Variants in TENM4 observed in about 807,000 individuals in gnomAD.
The protein encoded by TENM4 is teneurin-4.
TENM4 carries 82 observed loss-of-function variants against 243.3 expected under a neutral mutation model. The observed-to-expected ratio is 0.34, with a 90% CI of 0.28 to 0.40. The LOEUF (loss-of-function observed/expected upper bound fraction) is 0.40, where lower values mean the gene tolerates loss of function less well. Ranked by LOEUF, TENM4 falls within the 10% of genes least tolerant of loss-of-function variation. The pLI is 1.00. For missense variants in TENM4, 3,138 were observed against 3,673.3 expected (o/e 0.85, Z 3.77); for synonymous variants, 1,412 against 1,456.3 (o/e 0.97, Z 0.69).
chr11:79,426,177 T>C (rs1160764867), intron 1 of TENM4, among the ~76,000 whole-genome samples: 1 of 152,202 alleles, frequency 6.6e-6, no homozygotes, highest in Non-Finnish European at 1.5e-5. Context: ...ATACATATCT[T>C]CTATTAAAAA....
At chr11:79,305,043 T>G (rs2135404090) in intron 1 of TENM4, among the ~76,000 whole-genome samples, 1 of 152,328 alleles carries the variant, frequency 6.6e-6, no homozygotes, top group East Asian at 1.9e-4. Flanking sequence ...GAGAAACTTC[T>G]CCACTCAGCA....
chr11:79,122,634 G>A (rs1861766192), intron 4 of TENM4, among the ~76,000 whole-genome samples: 1 of 152,158 alleles, frequency 6.6e-6, no homozygotes, highest in Non-Finnish European at 1.5e-5. Context: ...CCAGGTTTCT[G>A]GCCTGTAAGC....
chr11:79,115,142 G>A (rs1371568138), intron 4 of TENM4, among the ~76,000 whole-genome samples: 1 of 152,154 alleles, frequency 6.6e-6, no homozygotes, highest in Admixed American at 6.5e-5. Flanking sequence ...AACTATTTGA[G>A]TTAGGACCTG....
At chr11:78,756,419 A>C in intron 19 of TENM4, 1 of 226,612 alleles carries the variant, frequency 4.4e-6, no homozygotes, top group South Asian at 6.9e-5. Flanking sequence ...CCCCCTGCCT[A>C]GCAAAGTCTT....
At chr11:79,159,560 A>G (rs986888740) in intron 3 of TENM4, among the ~76,000 whole-genome samples, 2 of 152,028 alleles carry the variant, frequency 1.3e-5, no homozygotes, top group South Asian at 4.2e-4. Context: ...TGCTTTTAAC[A>G]TTTATCCCAC....
chr11:78,783,485 T>G (rs906807397), intron 16 of TENM4, among the ~76,000 whole-genome samples: 2 of 152,120 alleles, frequency 1.3e-5, no homozygotes, highest in African/African-American at 4.8e-5. Context: ...GGGTGTGCAG[T>G]TCTGTGGGCA....
chr11:79,009,736 T>G (rs189065411), intron 6 of TENM4, among the ~76,000 whole-genome samples: 1 of 152,274 alleles, frequency 6.6e-6, no homozygotes, highest in African/African-American at 2.4e-5. Flanking sequence ...TGGGGAAAGT[T>G]AGTGGCAGGG....
At chr11:78,687,204 C>T (rs1367501270) in intron 29 of TENM4, among the ~76,000 whole-genome samples, 3 of 152,136 alleles carry the variant, frequency 2.0e-5, no homozygotes, top group Admixed American at 6.5e-5. Flanking sequence ...AGAACCCCTG[C>T]TCTTCTCACT....
chr11:79,176,041 G>A (rs1365506971), intron 3 of TENM4, among the ~76,000 whole-genome samples: 3 of 152,116 alleles, frequency 2.0e-5, no homozygotes, highest in African/African-American at 4.8e-5. Context: ...GCGGTGAGCC[G>A]TGATCACACC....
At chr11:78,936,765 C>A (rs1441682545) in intron 6 of TENM4, among the ~76,000 whole-genome samples, 1 of 152,150 alleles carries the variant, frequency 6.6e-6, no homozygotes, top group Non-Finnish European at 1.5e-5. Context: ...ATAACTTGTA[C>A]ATTTCAATAA....
chr11:78,997,564 C>T (rs1312348781), intron 6 of TENM4, among the ~76,000 whole-genome samples: 3 of 152,286 alleles, frequency 2.0e-5, no homozygotes, highest in South Asian at 2.1e-4. Context: ...GGAGAAAGGA[C>T]GTCCCACCAT....
At chr11:78,890,787 C>A (rs1449598711) in intron 8 of TENM4, among the ~76,000 whole-genome samples, 1 of 152,202 alleles carries the variant, frequency 6.6e-6, no homozygotes, top group Non-Finnish European at 1.5e-5. Context: ...AGCTCCTCCA[C>A]AGCTTGGCTT....
intron 6 of TENM4, among the ~76,000 whole-genome samples, chr11:78,950,585 G>T (rs1032138833): frequency 2.0e-5 from 3 of 152,174 alleles, no homozygotes; most frequent in African/African-American, 7.2e-5. Flanking sequence ...GCAAGTTATT[G>T]TATCTTTCTT....
At chr11:79,061,939 T>C (rs1254559139) in intron 6 of TENM4, among the ~76,000 whole-genome samples, 1 of 151,626 alleles carries the variant, frequency 6.6e-6, no homozygotes, top group Non-Finnish European at 1.5e-5. Flanking sequence ...AGCACTGTGC[T>C]TAGGTTGAGA....
chr11:79,381,785 A>G (rs938346191), intron 1 of TENM4, among the ~76,000 whole-genome samples: 2 of 151,964 alleles, frequency 1.3e-5, no homozygotes, highest in Admixed American at 6.6e-5. Context: ...TCCAGGTGAG[A>G]AAATTGAGGA....
chr11:78,736,445 A>AGT (rs3223449), intron 20 of TENM4, among the ~76,000 whole-genome samples: 7,049 of 145,152 alleles, frequency 0.049, 217 homozygotes, highest in African/African-American at 0.084. Flanking sequence ...GATTTCAGCA[A>AGT]GTGTGTGTGT....
intron 6 of TENM4, among the ~76,000 whole-genome samples, chr11:79,044,456 A>G (rs1859612063): frequency 6.6e-6 from 1 of 152,230 alleles, no homozygotes. Context: ...GGAAGATGGT[A>G]GAGCCTTCAG....
intron 6 of TENM4, among the ~76,000 whole-genome samples, chr11:79,012,801 C>T (rs748644772): frequency 2.0e-5 from 3 of 152,280 alleles, no homozygotes; most frequent in East Asian, 3.9e-4. Context: ...CGAGGACGAC[C>T]TTTCCCAGCT....
chr11:79,268,525 A>T (rs976785299), intron 2 of TENM4, among the ~76,000 whole-genome samples: 2 of 152,206 alleles, frequency 1.3e-5, no homozygotes, highest in Admixed American at 6.5e-5. Context: ...AGTCCTTATT[A>T]TTCATGGACT....
Sources: allele counts gnomAD v4.1 joint callset (sites outside exome capture counted in the v4.1 genomes callset), GRCh38; gene constraint gnomAD v4.1.1; transcripts MANE v1.5; gene names NCBI Gene and HGNC (gene_info 2026-07-23, HGNC 2026-07-21).